Variants in STEAP1B observed in about 807,000 individuals in gnomAD.
STEAP1B encodes STEAP family protein MGC87042.
In STEAP1B, 13 loss-of-function variants were observed where a neutral mutation model predicts 27.9. The observed-to-expected ratio is 0.47, with a 90% confidence interval of 0.30 to 0.74. The LOEUF (loss-of-function observed/expected upper bound fraction) is 0.74, where lower values mean the gene tolerates loss of function less well. Among genes scored for constraint, STEAP1B ranks in the 30% least tolerant of loss-of-function variants. STEAP1B has a pLI of 0.06. For missense variants in STEAP1B, 250 were observed against 298.7 expected (o/e 0.84, Z 1.20); for synonymous variants, 86 against 107.1 (o/e 0.80, Z 1.22).
intron 4 of STEAP1B, among the ~76,000 whole-genome samples, chr7:22,466,781 C>T (rs116465776): frequency 0.01 from 1,594 of 152,266 alleles, 20 homozygotes; most frequent in South Asian, 0.066. Context: ...CAGGGCATCC[C>T]ACCAGATCTG....
intron 4 of STEAP1B, among the ~76,000 whole-genome samples, chr7:22,441,898 G>C (rs1246511919): frequency 6.6e-6 from 1 of 152,236 alleles, no homozygotes; most frequent in South Asian, 2.1e-4. Flanking sequence ...TGGCCTACAG[G>C]CCTCAGTAAG....
intron 1 of STEAP1B, among the ~76,000 whole-genome samples, chr7:22,499,796 C>T (rs1039913653): frequency 6.6e-6 from 1 of 152,226 alleles, no homozygotes; most frequent in Non-Finnish European, 1.5e-5. Context: ...AACTTGCCAT[C>T]AAAATCCAAC....
At position 22,424,221 on chromosome 7, in the gene STEAP1B, AAC is replaced by A. The variant is rs143034208; in HGVS notation, c.763-4387_763-4386del. Among the ~76,000 whole-genome samples the A allele has an allele frequency of 3.0e-3, 455 of 152,290 alleles. 23 individuals carry two copies. In the East Asian group the frequency reaches 0.079, roughly 27 times the overall value. ...CACATTGTAACACAAAATAAAATAA[AAC>A]ACAAAGAATAAATTGACAATAACAC... On this transcript the variant is annotated intron_variant, in intron 4 of 4. Transcript: ENST00000678116.
intron 4 of STEAP1B, among the ~76,000 whole-genome samples, chr7:22,466,779 C>T (rs192902789): frequency 7.2e-5 from 11 of 152,294 alleles, no homozygotes; most frequent in African/African-American, 2.6e-4. Context: ...GACAGGGCAT[C>T]CCACCAGATC....
intron 4 of STEAP1B, among the ~76,000 whole-genome samples, chr7:22,483,007 C>T (rs1288290406): frequency 6.6e-6 from 1 of 152,216 alleles, no homozygotes; most frequent in African/African-American, 2.4e-5. Context: ...GCCAGCACAT[C>T]ATCCCACCAA....
At chr7:22,492,012 C>T (rs185223557) in intron 4 of STEAP1B, among the ~76,000 whole-genome samples, 2 of 152,120 alleles carry the variant, frequency 1.3e-5, no homozygotes, top group African/African-American at 2.4e-5. Flanking sequence ...GTGGAGATGA[C>T]ACCATTTGCC....
At chr7:22,438,012 T>C (rs1302522261) in intron 4 of STEAP1B, among the ~76,000 whole-genome samples, 1 of 152,226 alleles carries the variant, frequency 6.6e-6, no homozygotes. Context: ...ATGAACCCTT[T>C]ATCAGTGTAT....
chr7:22,427,327 T>C (rs1785121792), intron 4 of STEAP1B, among the ~76,000 whole-genome samples: 1 of 152,138 alleles, frequency 6.6e-6, no homozygotes, highest in Non-Finnish European at 1.5e-5. Flanking sequence ...CAACTTGATG[T>C]CATGGAGATG....
chr7:22,467,993 G>C (rs564533673), intron 4 of STEAP1B, among the ~76,000 whole-genome samples: 2 of 152,206 alleles, frequency 1.3e-5, no homozygotes, highest in East Asian at 1.9e-4. Context: ...TAAAATATCA[G>C]ATAAATAAAA....
chr7:22,480,546 A>G (rs989119382), intron 4 of STEAP1B, among the ~76,000 whole-genome samples: 2 of 152,254 alleles, frequency 1.3e-5, no homozygotes, highest in Admixed American at 6.5e-5. Context: ...GCTCAGAGAC[A>G]GGGAAAGTTG....
intron 4 of STEAP1B, among the ~76,000 whole-genome samples, chr7:22,455,881 C>T (rs1051065199): frequency 6.6e-6 from 1 of 152,250 alleles, no homozygotes; most frequent in Non-Finnish European, 1.5e-5. Context: ...GGCACAGTGG[C>T]TCACGCCTGT....
At chr7:22,461,899 C>G (rs1785684584) in intron 4 of STEAP1B, among the ~76,000 whole-genome samples, 1 of 152,164 alleles carries the variant, frequency 6.6e-6, no homozygotes, top group African/African-American at 2.4e-5. Context: ...TTAAAAAGCA[C>G]CTGCCCACGT....
intron 4 of STEAP1B, among the ~76,000 whole-genome samples, chr7:22,484,246 C>T (rs1786135810): frequency 6.6e-6 from 1 of 152,150 alleles, no homozygotes; most frequent in African/African-American, 2.4e-5. Context: ...TTCATGCCTG[C>T]CTCCAAAGCT....
rs147044044 is a variant in STEAP1B at position 22,472,591 on chromosome 7, C to T, written c.762+19974G>A. 2.5e-3 allele frequency among the ~76,000 whole-genome samples: 380 copies of T among 152,254 alleles called. 2 individuals carry two copies. The highest frequency in any genetic ancestry group is 8.8e-3 in the African/African-American group (364 of 41,546). ...TTGAATCTAACCATAAAAAATAAAC[C>T]GTCCTTTCACACGTTGCTCTAAACC... is the stretch of plus-strand genomic sequence containing the variant. On this transcript the variant is annotated intron_variant, in intron 4 of 4. Coordinates refer to ENST00000678116, the MANE Select transcript of STEAP1B (RefSeq NM_001382447.1).
intron 4 of STEAP1B, among the ~76,000 whole-genome samples, chr7:22,465,055 G>A (rs989846909): frequency 1.4e-5 from 2 of 148,034 alleles, no homozygotes; most frequent in East Asian, 2.0e-4. Context: ...GCACCTTGGG[G>A]CCATTATTCA....
chr7:22,458,524 T>C (rs1785625133), intron 4 of STEAP1B, among the ~76,000 whole-genome samples: 1 of 152,208 alleles, frequency 6.6e-6, no homozygotes, highest in Non-Finnish European at 1.5e-5. Flanking sequence ...GTGGTATGAA[T>C]ATTTATACCT....
chr7:22,448,271 G>A (rs1785436896), intron 4 of STEAP1B, among the ~76,000 whole-genome samples: 2 of 152,108 alleles, frequency 1.3e-5, no homozygotes, highest in African/African-American at 4.8e-5. Context: ...GTTAATGAAT[G>A]CATTTCTATA....
At chr7:22,425,301 A>C (rs1002734954) in intron 4 of STEAP1B, among the ~76,000 whole-genome samples, 3 of 152,230 alleles carry the variant, frequency 2.0e-5, no homozygotes, top group Admixed American at 6.5e-5. Context: ...GGCAGCAGTA[A>C]GTTATTTTGC....
intron 4 of STEAP1B, among the ~76,000 whole-genome samples, chr7:22,485,273 A>G (rs1235444812): frequency 6.6e-6 from 1 of 152,246 alleles, no homozygotes; most frequent in African/African-American, 2.4e-5. Flanking sequence ...TTATTTTAAG[A>G]AATTGCCACA....
Sources: gnomAD v4.1 joint callset for allele counts (sites outside exome capture counted in the v4.1 genomes callset) on GRCh38, gnomAD v4.1.1 for gene constraint, MANE v1.5 for transcripts, NCBI Gene and HGNC (gene_info 2026-07-23, HGNC 2026-07-21) for gene names.